Variants in PRKCH observed in about 807,000 individuals in gnomAD.
The protein encoded by PRKCH is protein kinase C eta type.
In PRKCH, 28 loss-of-function variants were observed where a neutral mutation model predicts 82.5. The observed-to-expected ratio is 0.34, with a 90% confidence interval of 0.25 to 0.47. The LOEUF (loss-of-function observed/expected upper bound fraction) is 0.47, where lower values mean the gene tolerates loss of function less well. Ranked by LOEUF, PRKCH falls within the 20% of genes least tolerant of loss-of-function variation. The pLI, the probability that PRKCH is intolerant of heterozygous loss-of-function variation, is 1.00. For synonymous variants in PRKCH, 322 were observed against 327.4 expected (o/e 0.98, Z 0.18); for missense variants, 705 against 881.8 (o/e 0.80, Z 2.54).
At chr14:61,495,801 C>A (rs907565435) in intron 10 of PRKCH, among the ~76,000 whole-genome samples, 3 of 151,950 alleles carry the variant, frequency 2.0e-5, no homozygotes, top group African/African-American at 7.3e-5. Context: ...AGTAGTAGGA[C>A]AAAATATAGA....
At chr14:61,269,196 A>T (rs2045129827) in intron 1 of PRKCH, among the ~76,000 whole-genome samples, 1 of 152,206 alleles carries the variant, frequency 6.6e-6, no homozygotes, top group South Asian at 2.1e-4. Context: ...AGAAAAAAGA[A>T]ATTTGTAGTA....
chr14:61,344,609 C>T (rs374198770), intron 1 of PRKCH, among the ~76,000 whole-genome samples: 28 of 152,152 alleles, frequency 1.8e-4, no homozygotes, highest in African/African-American at 6.5e-4. Context: ...AGCTGTGGGA[C>T]GATCAATCCA....
intron 1 of PRKCH, among the ~76,000 whole-genome samples, chr14:61,362,516 A>C (rs2046241573): frequency 6.6e-6 from 1 of 152,212 alleles, no homozygotes; most frequent in Non-Finnish European, 1.5e-5. Flanking sequence ...TCCATCATCC[A>C]GAGAGTTTTT....
Position 61,405,400 on chromosome 14 carries a change from G to A in PRKCH, c.427+14112G>A, listed in dbSNP as rs535435667. ...CTGCTCTTTTTTTTTTTTTTGAGACGGAGTCTCACTCTTGTCGCCCAGGCT... is the reference window on the plus strand; with the variant it reads ...CTGCTCTTTTTTTTTTTTTTGAGACAGAGTCTCACTCTTGTCGCCCAGGCT... On this transcript the variant is annotated intron_variant, in intron 2 of 13. Transcript: ENST00000332981. Among the ~76,000 whole-genome samples, 5 of 149,202 alleles carry A rather than the reference G, an allele frequency of 3.4e-5. No homozygotes were observed. The East Asian group carries it at 6.0e-4, about 18-fold the overall frequency.
At chr14:61,373,993 G>A (rs1269089057) in intron 1 of PRKCH, among the ~76,000 whole-genome samples, 1 of 152,066 alleles carries the variant, frequency 6.6e-6, no homozygotes, top group East Asian at 1.9e-4. Flanking sequence ...CCACCTATGA[G>A]CCTGTAAAAT....
chr14:61,441,400 A>G (rs1883966128), intron 2 of PRKCH, among the ~76,000 whole-genome samples: 1 of 152,332 alleles, frequency 6.6e-6, no homozygotes, highest in African/African-American at 2.4e-5. Flanking sequence ...TCCTACTGAC[A>G]GGATGGGGAT....
intron 1 of PRKCH, chr14:61,322,705 C>T (rs2045644682): frequency 2.0e-6 from 1 of 501,828 alleles, no homozygotes; most frequent in East Asian, 3.4e-5. Flanking sequence ...AGCGGCTTGG[C>T]CTAACGGGAA....
At chr14:61,500,048 A>G (rs191322335) in intron 10 of PRKCH, among the ~76,000 whole-genome samples, 24 of 150,838 alleles carry the variant, frequency 1.6e-4, no homozygotes, top group African/African-American at 5.4e-4. Context: ...TCAGTAATCC[A>G]TAAACCATCC....
At chr14:61,366,478 G>A (rs924542132) in intron 1 of PRKCH, among the ~76,000 whole-genome samples, 7 of 152,080 alleles carry the variant, frequency 4.6e-5, no homozygotes, top group African/African-American at 1.5e-4. Context: ...AACTTAGAAG[G>A]AAAATATTTT....
intron 1 of PRKCH, among the ~76,000 whole-genome samples, chr14:61,230,580 A>G (rs923048553): frequency 2.0e-5 from 3 of 152,200 alleles, no homozygotes; most frequent in Admixed American, 1.3e-4. Flanking sequence ...TTTAAATTGC[A>G]TGCATCTTCA....
At chr14:61,441,661 A>C (rs555982617) in intron 2 of PRKCH, among the ~76,000 whole-genome samples, 2 of 151,280 alleles carry the variant, frequency 1.3e-5, no homozygotes, top group African/African-American at 4.8e-5. Flanking sequence ...TATAAATAGT[A>C]ACCCTTTGTC....
chr14:61,393,753 G>C (rs1238172644), intron 2 of PRKCH, among the ~76,000 whole-genome samples: 2 of 152,134 alleles, frequency 1.3e-5, no homozygotes, highest in Non-Finnish European at 2.9e-5. Context: ...CTTGAATTTT[G>C]TCAATTCTGC....
intron 1 of PRKCH, among the ~76,000 whole-genome samples, chr14:61,250,697 T>C (rs913225596): frequency 1.3e-5 from 2 of 152,102 alleles, no homozygotes; most frequent in African/African-American, 4.8e-5. Flanking sequence ...TCCAAACTCA[T>C]AGAATGTACG....
intron 1 of PRKCH, among the ~76,000 whole-genome samples, chr14:61,313,296 G>A (rs1195380014): frequency 6.6e-6 from 1 of 152,150 alleles, no homozygotes; most frequent in African/African-American, 2.4e-5. Flanking sequence ...TAATGGACAA[G>A]AACCAAATGA....
At chr14:61,352,682 A>G (rs371236546) in intron 1 of PRKCH, among the ~76,000 whole-genome samples, 180 of 113,718 alleles carry the variant, frequency 1.6e-3, no homozygotes, top group African/African-American at 5.5e-3. Flanking sequence ...GAGAGAGAGA[A>G]AGGAAAGGAA....
chr14:61,251,774 C>T (rs1384192878), intron 1 of PRKCH, among the ~76,000 whole-genome samples: 1 of 152,058 alleles, frequency 6.6e-6, no homozygotes, highest in African/African-American at 2.4e-5. Context: ...TTGAGGAACA[C>T]TAAATCATTC....
At chr14:61,203,479 G>A (rs2044498663) in intron 1 of PRKCH, among the ~76,000 whole-genome samples, 1 of 152,042 alleles carries the variant, frequency 6.6e-6, no homozygotes, top group African/African-American at 2.4e-5. Flanking sequence ...CAGGACTGAA[G>A]ATTTGTGAGG....
At chr14:61,378,677 C>T (rs2046457919) in intron 1 of PRKCH, among the ~76,000 whole-genome samples, 1 of 152,196 alleles carries the variant, frequency 6.6e-6, no homozygotes, top group African/African-American at 2.4e-5. Flanking sequence ...TGTCTTTCCT[C>T]CAGTTCTGCT....
At chr14:61,334,255 C>T (rs979322479) in intron 1 of PRKCH, among the ~76,000 whole-genome samples, 4 of 152,236 alleles carry the variant, frequency 2.6e-5, no homozygotes, top group Admixed American at 1.3e-4. Context: ...GGGCAGAGAA[C>T]GCAAGACCCA....
Sources: gnomAD v4.1 joint callset for allele counts (sites outside exome capture counted in the v4.1 genomes callset) on GRCh38, gnomAD v4.1.1 for gene constraint, MANE v1.5 for transcripts, NCBI Gene and HGNC (gene_info 2026-07-23, HGNC 2026-07-21) for gene names.